CAMTA1: variants seen among roughly 807,000 people sequenced by gnomAD.
CAMTA1 encodes the protein calmodulin-binding transcription activator 1.
Under a neutral mutation model 170.9 loss-of-function variants are expected in CAMTA1, and 27 were observed. That is an observed-to-expected ratio of 0.16 (90% CI 0.12 to 0.22). The LOEUF is 0.22. CAMTA1 is among the 10% of genes least tolerant of loss of function. CAMTA1 has a pLI of 1.00. For missense variants in CAMTA1, 1,619 were observed against 2,217.2 expected (o/e 0.73, Z 5.42); for synonymous variants, 833 against 891.5 (o/e 0.93, Z 1.17).
chr1:7,579,291 G>A (rs1276296858), intron 6 of CAMTA1, among the ~76,000 whole-genome samples: 2 of 152,222 alleles, frequency 1.3e-5, no homozygotes, highest in African/African-American at 4.8e-5. Flanking sequence ...GAGAAGTCTT[G>A]CCAGCCTGGC....
chr1:7,492,785 A>AC (rs2093736325), intron 6 of CAMTA1, among the ~76,000 whole-genome samples: 7 of 149,212 alleles, frequency 4.7e-5, no homozygotes, highest in Non-Finnish European at 5.9e-5. Flanking sequence ...GTGCACACAC[A>AC]AACACAAACC....
intron 5 of CAMTA1, among the ~76,000 whole-genome samples, chr1:7,420,816 AG>A (rs1164240792): frequency 2.0e-5 from 3 of 152,218 alleles, no homozygotes; most frequent in Admixed American, 6.5e-5. Context: ...GCACCCAGCC[AG>A]GGGGGCAGAG....
intron 3 of CAMTA1, among the ~76,000 whole-genome samples, chr1:6,986,104 C>T (rs941905957): frequency 6.6e-6 from 1 of 152,218 alleles, no homozygotes; most frequent in Non-Finnish European, 1.5e-5. Flanking sequence ...CTGTGCCTTT[C>T]CCCTGTTGCC....
At chr1:7,420,485 T>C (rs1454575304) in intron 5 of CAMTA1, among the ~76,000 whole-genome samples, 1 of 152,090 alleles carries the variant, frequency 6.6e-6, no homozygotes, top group East Asian at 1.9e-4. Context: ...CAGGCCCTGG[T>C]GGCACTCAGG....
At position 7,665,050 on chromosome 1, in the gene CAMTA1, A is replaced by C. The variant is rs1464432670; in HGVS notation, c.2503A>C (p.Ser835Arg). Reference sequence around the variant, plus strand: ...CCAGCAGGGTAGCCTGCAGCTGAGCAGCTCGGAGGGCGGGGCCAGCACCAT... The same window carrying C: ...CCAGCAGGGTAGCCTGCAGCTGAGCCGCTCGGAGGGCGGGGCCAGCACCAT... ...SPQQGSLQLS[S>R]SEGGASTMAY... is the part of the protein sequence containing the mutation. The change falls in exon 9 of 23, where the codon AGC becomes CGC. Residue 835 changes from serine (S) to arginine (R), a missense_variant. Physicochemically the swap from Ser to Arg is moderately radical, Grantham distance 110. Coordinates refer to ENST00000303635, the MANE Select transcript of CAMTA1 (RefSeq NM_015215.4). The surrounding 1 kb of genome is among the most constrained non-coding windows in gnomAD (Gnocchi z 4.3). 1 of 1,577,566 alleles carries C rather than the reference A, an allele frequency of 6.3e-7. No individual in the cohort carries two copies. Among genetic ancestry groups the C allele is most frequent in the Admixed American group, 1.8e-5 (1 of 57,108 alleles).
Position 7,007,720 on chromosome 1 carries a change from C to T in CAMTA1, c.235-83584C>T, listed in dbSNP as rs1699211448. 6.6e-6 allele frequency among the ~76,000 whole-genome samples: 1 copy of T among 152,178 alleles called. No homozygotes were observed. The highest frequency in any genetic ancestry group is 2.1e-4 in the South Asian group (1 of 4,820). ...CCCCTGTGGGGCTCCCGGGGCGTCG[C>T]TTCTGCCTCTTCCAGTGCTTTCCGA... On this transcript the variant is annotated intron_variant, in intron 3 of 22. Transcript: ENST00000303635. The surrounding 1 kb of genome is among the most constrained non-coding windows in gnomAD (Gnocchi z 4.5).
In CAMTA1 at chr1:7,719,090, G is replaced by A. The variant is rs899520520; in HGVS notation, c.2915-13358G>A. The stretch of plus-strand genomic sequence containing the variant: ...TGTAGACTCTTTAAAGGTGGGTGCA[G>A]AATCTGTATGGGAGTTCCAAATCTC... On this transcript the variant is annotated intron_variant, in intron 11 of 22. Coordinates refer to ENST00000303635, the MANE Select transcript of CAMTA1 (RefSeq NM_015215.4). Among the ~76,000 whole-genome samples the A allele has an allele frequency of 2.0e-5, 3 of 152,184 alleles. No homozygotes were observed. The East Asian group carries it at 5.8e-4, about 29-fold the overall frequency.
chr1:7,624,941 A>G (rs2095623177), intron 6 of CAMTA1, among the ~76,000 whole-genome samples: 1 of 152,180 alleles, frequency 6.6e-6, no homozygotes, highest in South Asian at 2.1e-4. Context: ...GGTCTTGACA[A>G]GTAGGTGGAA....
intron 11 of CAMTA1, among the ~76,000 whole-genome samples, chr1:7,729,963 A>T (rs1326945558): frequency 1.3e-5 from 2 of 152,176 alleles, no homozygotes; most frequent in Non-Finnish European, 2.9e-5. Context: ...GATTCAGATG[A>T]CTGTATTTTG....
intron 12 of CAMTA1, among the ~76,000 whole-genome samples, chr1:7,733,025 C>G (rs1336944571): frequency 2.6e-5 from 4 of 151,944 alleles, no homozygotes; most frequent in Admixed American, 6.6e-5. Context: ...GAGACCCTGT[C>G]TCTATAGAAA....
At position 7,224,059 on chromosome 1, in the gene CAMTA1, A is replaced by G. The variant is rs941757416; in HGVS notation, c.303-25432A>G. Among the ~76,000 whole-genome samples the G allele has an allele frequency of 1.3e-5, 2 of 152,134 alleles. No homozygotes were observed. The highest frequency in any genetic ancestry group is 4.8e-5 in the African/African-American group (2 of 41,414). ...CCACAGACTAATCTTAATCATAATC[A>G]CTACCATGAACCCACATGACATGCA... On this transcript the variant is annotated intron_variant, in intron 4 of 22. Transcript: ENST00000303635. The surrounding 1 kb of genome is among the most constrained non-coding windows in gnomAD (Gnocchi z 5.2).
At chr1:7,222,413 T>A (rs894797139) in intron 4 of CAMTA1, among the ~76,000 whole-genome samples, 1 of 152,220 alleles carries the variant, frequency 6.6e-6, no homozygotes, top group Non-Finnish European at 1.5e-5. Context: ...GCTGTCTTCC[T>A]GCCCTCCTCT....
chr1:7,447,911 C>T (rs1054418050), intron 5 of CAMTA1, among the ~76,000 whole-genome samples: 6 of 152,204 alleles, frequency 3.9e-5, no homozygotes, highest in African/African-American at 9.7e-5. Flanking sequence ...AGCTATTTGC[C>T]CAAGGTCACA....
In CAMTA1 at chr1:7,064,191, CTCT is replaced by C. The variant is rs1418945285; in HGVS notation, c.235-27108_235-27106del. ...CTTCCTTCTTCTTCTCCTCCTCCTCCTCTTCTTTCTCCCCTTTCCTCCTGCTCC... is the reference window on the plus strand; with the variant it reads ...CTTCCTTCTTCTTCTCCTCCTCCTCCTCTTTCTCCCCTTTCCTCCTGCTCC... On this transcript the variant is annotated intron_variant, in intron 3 of 22. Transcript: ENST00000303635. This position sits in a 1 kb window ranked among gnomAD's most constrained non-coding sequence, Gnocchi z 5.4. 2.5e-4 allele frequency among the ~76,000 whole-genome samples: 38 copies of C among 151,494 alleles called. No individual in the cohort carries two copies. Among genetic ancestry groups the C allele is most frequent in the Admixed American group, 1.5e-3 (23 of 15,210 alleles).
chr1:6,792,546 G>C (rs1366110526), intron 1 of CAMTA1, among the ~76,000 whole-genome samples: 1 of 151,952 alleles, frequency 6.6e-6, no homozygotes, highest in Non-Finnish European at 1.5e-5. Flanking sequence ...GAGAGGCCAA[G>C]GGTCAGCCAC....
At chr1:7,078,527 C>A (rs1439427751) in intron 3 of CAMTA1, among the ~76,000 whole-genome samples, 3 of 152,146 alleles carry the variant, frequency 2.0e-5, no homozygotes, top group African/African-American at 7.2e-5. Context: ...AAAGTTTTAA[C>A]CCTGTTTCTT....
intron 5 of CAMTA1, among the ~76,000 whole-genome samples, chr1:7,444,958 A>C (rs572527189): frequency 6.6e-6 from 1 of 151,972 alleles, no homozygotes; most frequent in South Asian, 2.1e-4. Flanking sequence ...TTGCCCGCCT[A>C]GCTGGGGAAA....
chr1:7,660,795 G>A (rs953833913), intron 7 of CAMTA1, among the ~76,000 whole-genome samples: 1 of 152,166 alleles, frequency 6.6e-6, no homozygotes, highest in African/African-American at 2.4e-5. Context: ...GCTCCTCCGC[G>A]CCTGGATCCC....
chr1:7,584,426 G>C (rs573353269), intron 6 of CAMTA1, among the ~76,000 whole-genome samples: 58 of 152,224 alleles, frequency 3.8e-4, no homozygotes, highest in Non-Finnish European at 5.0e-4. Context: ...ATACTAAGGT[G>C]GGGGTTTCTG....
Sources: gnomAD v4.1 joint callset for allele counts (sites outside exome capture counted in the v4.1 genomes callset) on GRCh38, gnomAD v4.1.1 for gene constraint, Gnocchi (gnomAD v3.1) non-coding constraint, MANE v1.5 for transcripts, NCBI Gene and HGNC (gene_info 2026-07-23, HGNC 2026-07-21) for gene names.